BPIFC: variants seen among roughly 807,000 people sequenced by gnomAD.
BPIFC encodes BPI fold-containing family C protein.
A neutral mutation model predicts 57.6 loss-of-function variants in BPIFC; 60 were observed. That is an observed-to-expected ratio of 1.04 (90% confidence interval 0.85 to 1.29). The LOEUF (loss-of-function observed/expected upper bound fraction) is 1.29, where lower values mean the gene tolerates loss of function less well. BPIFC is among the 50% of genes most tolerant of loss of function. The pLI, the probability that BPIFC is intolerant of heterozygous loss-of-function variation, is 0.00. For synonymous variants in BPIFC, 243 were observed against 224.5 expected (o/e 1.08, Z -0.74); for missense variants, 581 against 600.5 (o/e 0.97, Z 0.34).
At chr22:32,463,883 T>C (rs1262640626) in intron 1 of BPIFC, among the ~76,000 whole-genome samples, 1 of 152,132 alleles carries the variant, frequency 6.6e-6, no homozygotes, top group Non-Finnish European at 1.5e-5. Flanking sequence ...AGTTCAACAG[T>C]CCAGGCAAGT....
Position 32,422,016 on chromosome 22 carries a change from C to T in BPIFC, c.1218-2612G>A, listed in dbSNP as rs142393826. Among the ~76,000 whole-genome samples the T allele has an allele frequency of 3.4e-3, 521 of 151,902 alleles. 2 individuals carry two copies. The highest frequency in any genetic ancestry group is 0.012 in the African/African-American group (492 of 41,410). On this transcript the variant is annotated intron_variant, in intron 13 of 16. Transcript: ENST00000300399. ...CCAGGCAGGGGTTGCAAAAGCCCCA[C>T]GGAGGGAACTGAGAGCTGGGAGAGC...
At chr22:32,451,900 C>G (rs1030024390) in intron 4 of BPIFC, among the ~76,000 whole-genome samples, 14 of 152,006 alleles carry the variant, frequency 9.2e-5, no homozygotes, top group African/African-American at 3.4e-4. Context: ...CTACAATATC[C>G]CCTATTGCTT....
chr22:32,453,342 G>A (rs1405049484), intron 4 of BPIFC, 41 bp downstream of exon 4: 3 of 1,412,230 alleles, frequency 2.1e-6, no homozygotes, highest in Non-Finnish European at 2.9e-6. Context: ...TGTTTCCTTT[G>A]AGCTTCTTAT....
At chr22:32,425,883 C>A (rs1934054227) in intron 13 of BPIFC, among the ~76,000 whole-genome samples, 1 of 152,216 alleles carries the variant, frequency 6.6e-6, no homozygotes, top group African/African-American at 2.4e-5. Context: ...AACTCTCATA[C>A]TTCTCACAAC....
In BPIFC at chr22:32,424,756, T is replaced by C. The variant is rs957243081; in HGVS notation, c.1218-5352A>G. Among the ~76,000 whole-genome samples the C allele has an allele frequency of 4.6e-4, 37 of 80,678 alleles. 4 individuals are homozygous for C. Among genetic ancestry groups the C allele is most frequent in the Non-Finnish European group, 6.8e-4 (29 of 42,720 alleles). 52.9% of individuals were successfully genotyped at this position (80,678 alleles called of 152,430 possible). A position where few individuals can be genotyped will look rare whatever the true frequency, so the allele number is the denominator to read the frequency against. On this transcript the variant is annotated intron_variant, in intron 13 of 16. Transcript: ENST00000300399. Reference sequence around the variant, plus strand: ...CTTCTTCTTCCTCTTCTTCTTCCTCTTCTTCTTCTTCTTCTTCTTCTTCTT... The same window carrying C: ...CTTCTTCTTCCTCTTCTTCTTCCTCCTCTTCTTCTTCTTCTTCTTCTTCTT...
intron 11 of BPIFC, among the ~76,000 whole-genome samples, chr22:32,432,983 A>T (rs956063989): frequency 2.6e-5 from 4 of 152,190 alleles, no homozygotes; most frequent in African/African-American, 9.7e-5. Flanking sequence ...TCGGTGGATC[A>T]CTTGAAGCCA....
At chr22:32,459,468 C>A (rs935973363) in intron 2 of BPIFC, among the ~76,000 whole-genome samples, 14 of 151,960 alleles carry the variant, frequency 9.2e-5, no homozygotes, top group Non-Finnish European at 1.9e-4. Flanking sequence ...TTGAGACCAT[C>A]CTGGCTAACG....
chr22:32,441,650 G>A (rs973178804), intron 8 of BPIFC, among the ~76,000 whole-genome samples: 3 of 152,026 alleles, frequency 2.0e-5, no homozygotes, highest in African/African-American at 7.3e-5. Context: ...ATAAAGAGGA[G>A]GGAACACAAC....
chr22:32,460,099 A>G (rs1935131829), intron 2 of BPIFC, among the ~76,000 whole-genome samples: 1 of 152,166 alleles, frequency 6.6e-6, no homozygotes, highest in South Asian at 2.1e-4. Context: ...CAATGTATAT[A>G]AAGGGACTTC....
At position 32,440,458 on chromosome 22, in the gene BPIFC, G is replaced by A. The variant is rs1237088837; in HGVS notation, c.655+2213C>T. Among the ~76,000 whole-genome samples the A allele has an allele frequency of 2.0e-5, 3 of 152,138 alleles. No homozygotes were observed. In the South Asian group the frequency reaches 6.2e-4, roughly 32 times the overall value. On this transcript the variant is annotated intron_variant, in intron 8 of 16. Transcript: ENST00000300399. Reference sequence around the variant, plus strand: ...CGCCTGATATTTCTTAATCTAATGGGCTAGGTGCTGTGCCTGACGCTGGGG... The same window carrying A: ...CGCCTGATATTTCTTAATCTAATGGACTAGGTGCTGTGCCTGACGCTGGGG...
intron 15 of BPIFC, 58 bp from the exon 16 acceptor site, chr22:32,416,049 C>A: frequency 9.6e-7 from 1 of 1,046,622 alleles, no homozygotes; most frequent in Non-Finnish European, 1.3e-6. Flanking sequence ...TTTTAGCAAG[C>A]TTTTTAGTAA....
intron 1 of BPIFC, 39 bp from the exon 2 acceptor site, chr22:32,461,700 A>C (rs1935163206): frequency 5.2e-6 from 5 of 953,580 alleles, no homozygotes; most frequent in Non-Finnish European, 6.2e-6. Flanking sequence ...TATGGGAGTG[A>C]GGAGAACACT....
At chr22:32,428,521 A>C (rs1391986522) in intron 13 of BPIFC, among the ~76,000 whole-genome samples, 1 of 152,184 alleles carries the variant, frequency 6.6e-6, no homozygotes, top group Non-Finnish European at 1.5e-5. Context: ...ACTGCTTTGA[A>C]GGGCTTGGTA....
chr22:32,427,549 G>C (rs1161510131), intron 13 of BPIFC, among the ~76,000 whole-genome samples: 1 of 151,848 alleles, frequency 6.6e-6, no homozygotes. Flanking sequence ...TTTCCTCTTT[G>C]TTTCCCAACA....
chr22:32,445,560 A>C (rs1373746743), intron 7 of BPIFC, 75 bp downstream of exon 7: 2 of 1,413,860 alleles, frequency 1.4e-6, no homozygotes, highest in Non-Finnish European at 2.0e-6. Context: ...AACAAACAAA[A>C]AAGAATTAAT....
chr22:32,428,143 T>TA (rs1043891487), intron 13 of BPIFC, among the ~76,000 whole-genome samples: 24 of 151,968 alleles, frequency 1.6e-4, no homozygotes, highest in African/African-American at 5.3e-4. Flanking sequence ...TTTCTTCTGT[T>TA]AAAAAAAATG....
At chr22:32,419,539 C>T in intron 13 of BPIFC, 135 bp from the exon 14 acceptor site, 1 of 863,302 alleles carries the variant, frequency 1.2e-6, no homozygotes, top group Non-Finnish European at 1.8e-6. Context: ...CATGGTGGCC[C>T]ACGCCTGTAA....
intron 12 of BPIFC, 81 bp downstream of exon 12, chr22:32,432,292 G>A (rs933224475): frequency 8.8e-5 from 130 of 1,482,000 alleles, no homozygotes; most frequent in Middle Eastern, 2.4e-4. Flanking sequence ...CTCTTCAAAC[G>A]TTTAAAAGCT....
chr22:32,445,393 C>T (rs1028126736), intron 7 of BPIFC, among the ~76,000 whole-genome samples: 3 of 151,954 alleles, frequency 2.0e-5, no homozygotes, highest in East Asian at 1.9e-4. Context: ...AAAAATTAGC[C>T]GGGCATGGTG....
Sources: gnomAD v4.1 joint callset for allele counts (sites outside exome capture counted in the v4.1 genomes callset) on GRCh38, gnomAD v4.1.1 for gene constraint, MANE v1.5 for transcripts, NCBI Gene and HGNC (gene_info 2026-07-23, HGNC 2026-07-21) for gene names.